CTNNA3: variants seen among roughly 807,000 people sequenced by gnomAD.
CTNNA3 encodes the protein catenin alpha-3.
A neutral mutation model predicts 95.7 loss-of-function variants in CTNNA3; 76 were observed. That is an observed-to-expected ratio of 0.79 (90% CI 0.66 to 0.96). The LOEUF (loss-of-function observed/expected upper bound fraction) is 0.96. CTNNA3 is among the 40% of genes least tolerant of loss of function. The probability of loss-of-function intolerance (pLI) is 0.00; values close to 1 mark genes in which losing one functional copy is unlikely to be tolerated. For missense variants in CTNNA3, 1,191 were observed against 1,089.8 expected (o/e 1.09, Z -1.31); for synonymous variants, 431 against 374.4 (o/e 1.15, Z -1.74).
At chr10:66,255,725 A>G (rs2090743038) in intron 13 of CTNNA3, among the ~76,000 whole-genome samples, 1 of 152,178 alleles carries the variant, frequency 6.6e-6, no homozygotes, top group Non-Finnish European at 1.5e-5. Context: ...AAAACCTCCA[A>G]AATGTTTTCC....
At chr10:67,508,076 C>T (rs1487434677) in intron 5 of CTNNA3, among the ~76,000 whole-genome samples, 1 of 152,062 alleles carries the variant, frequency 6.6e-6, no homozygotes, top group African/African-American at 2.4e-5. Flanking sequence ...TACAGTGGCG[C>T]AATTGTAGCT....
chr10:67,659,983 A>C (rs1466571104), intron 1 of CTNNA3, among the ~76,000 whole-genome samples: 1 of 152,218 alleles, frequency 6.6e-6, no homozygotes, highest in Non-Finnish European at 1.5e-5. Context: ...GAATAAATAA[A>C]ATGAAACCAA....
chr10:66,813,311 G>A (rs1031509432), intron 7 of CTNNA3, among the ~76,000 whole-genome samples: 3 of 152,122 alleles, frequency 2.0e-5, no homozygotes, highest in Admixed American at 6.5e-5. Context: ...ACATACAAGT[G>A]TCTTTTTCTC....
chr10:67,107,125 A>G (rs771221806), intron 7 of CTNNA3, among the ~76,000 whole-genome samples: 1 of 152,228 alleles, frequency 6.6e-6, no homozygotes, highest in Non-Finnish European at 1.5e-5. Context: ...GAGGGCAGTG[A>G]AGGGAGAATA....
At chr10:66,308,757 C>T (rs1246746536) in intron 12 of CTNNA3, among the ~76,000 whole-genome samples, 8 of 152,026 alleles carry the variant, frequency 5.3e-5, no homozygotes, top group Non-Finnish European at 1.0e-4. Flanking sequence ...TTGGCTAACC[C>T]TTGTACAGGC....
intron 5 of CTNNA3, among the ~76,000 whole-genome samples, chr10:67,438,266 T>C (rs1846374076): frequency 6.6e-6 from 1 of 152,080 alleles, no homozygotes; most frequent in African/African-American, 2.4e-5. Flanking sequence ...CTGCCAAAAC[T>C]ATCAATAAAG....
chr10:67,185,621 T>C (rs1862801647), intron 6 of CTNNA3, among the ~76,000 whole-genome samples: 1 of 152,204 alleles, frequency 6.6e-6, no homozygotes, highest in Non-Finnish European at 1.5e-5. Flanking sequence ...AGTTAAGGCT[T>C]CATTCATCTA....
At chr10:66,577,268 C>T (rs1049814092) in intron 10 of CTNNA3, among the ~76,000 whole-genome samples, 12 of 151,818 alleles carry the variant, frequency 7.9e-5, no homozygotes, top group African/African-American at 1.7e-4. Flanking sequence ...TTCTCCCATT[C>T]AGAAGGTTGT....
At position 66,631,487 on chromosome 10, in the gene CTNNA3, T is replaced by G. The variant is rs1373744745; in HGVS notation, c.1282-9703A>C. Among the ~76,000 whole-genome samples the G allele has an allele frequency of 2.0e-5, 3 of 152,184 alleles. 1 individual carries two copies. The highest frequency in any genetic ancestry group is 4.4e-5 in the Non-Finnish European group (3 of 68,026). On this transcript the variant is annotated intron_variant, in intron 9 of 17. Coordinates refer to ENST00000433211, the MANE Select transcript of CTNNA3 (RefSeq NM_013266.4). The stretch of plus-strand genomic sequence containing the variant: ...GACTCATGACTGAGAGATCTAATAC[T>G]GAAATTCCTTTTTGAACTGGATATC...
intron 17 of CTNNA3, among the ~76,000 whole-genome samples, chr10:65,965,813 C>T (rs1450103216): frequency 6.6e-6 from 1 of 151,984 alleles, no homozygotes; most frequent in African/African-American, 2.4e-5. Context: ...CTATATGTTA[C>T]AGACATATAA....
intron 5 of CTNNA3, among the ~76,000 whole-genome samples, chr10:67,235,907 A>T (rs1865430471): frequency 6.9e-6 from 1 of 145,072 alleles, no homozygotes; most frequent in Admixed American, 6.7e-5. Flanking sequence ...AACACATGAA[A>T]AAATGCTCAC....
intron 10 of CTNNA3, among the ~76,000 whole-genome samples, chr10:66,540,237 G>C (rs891973234): frequency 6.6e-6 from 1 of 152,094 alleles, no homozygotes; most frequent in Non-Finnish European, 1.5e-5. Context: ...CTAATTCTCT[G>C]TCTATGAAAA....
At chr10:66,457,514 A>T (rs1243580570) in intron 11 of CTNNA3, among the ~76,000 whole-genome samples, 1 of 152,060 alleles carries the variant, frequency 6.6e-6, no homozygotes, top group Non-Finnish European at 1.5e-5. Context: ...AATTTACTTT[A>T]GAAAAATAAA....
intron 15 of CTNNA3, among the ~76,000 whole-genome samples, chr10:66,054,607 A>C (rs2080035951): frequency 6.6e-6 from 1 of 152,042 alleles, no homozygotes; most frequent in Non-Finnish European, 1.5e-5. Flanking sequence ...GCTGCTTATA[A>C]ATTCTGGCTA....
intron 5 of CTNNA3, among the ~76,000 whole-genome samples, chr10:67,429,246 C>T (rs1350099757): frequency 6.6e-6 from 1 of 151,960 alleles, no homozygotes; most frequent in Admixed American, 6.6e-5. Flanking sequence ...TTCTCAAATG[C>T]TTTCATTAAA....
intron 11 of CTNNA3, among the ~76,000 whole-genome samples, chr10:66,454,900 T>C (rs1483424625): frequency 6.6e-6 from 1 of 151,982 alleles, no homozygotes; most frequent in Non-Finnish European, 1.5e-5. Flanking sequence ...ACATCATATA[T>C]TAGCATGTGT....
chr10:67,590,734 T>G (rs952292981), intron 3 of CTNNA3, among the ~76,000 whole-genome samples: 13 of 152,146 alleles, frequency 8.5e-5, no homozygotes, highest in African/African-American at 3.1e-4. Context: ...ATTTTGCTTT[T>G]CTTTTTGATT....
intron 9 of CTNNA3, among the ~76,000 whole-genome samples, chr10:66,669,369 C>T (rs574060358): frequency 1.3e-5 from 2 of 151,972 alleles, no homozygotes; most frequent in South Asian, 2.1e-4. Flanking sequence ...CATGGTGAAA[C>T]CCCATCTCTA....
chr10:66,331,561 C>A (rs1290028058), intron 12 of CTNNA3, among the ~76,000 whole-genome samples: 1 of 151,602 alleles, frequency 6.6e-6, no homozygotes, highest in Non-Finnish European at 1.5e-5. Flanking sequence ...ACCATGTTAG[C>A]CAGGACCCAT....
Sources: allele counts gnomAD v4.1 joint callset (sites outside exome capture counted in the v4.1 genomes callset), GRCh38; gene constraint gnomAD v4.1.1; transcripts MANE v1.5; gene names NCBI Gene and HGNC (gene_info 2026-07-23, HGNC 2026-07-21).